PLCL2: variants seen among roughly 807,000 people sequenced by gnomAD.
PLCL2 encodes the protein phospholipase C like 2.
PLCL2 carries 4 observed loss-of-function variants against 79.6 expected under a neutral mutation model. The ratio of observed to expected loss-of-function variants is 0.05; its 90% CI spans 0.02 to 0.11. The LOEUF is 0.11. PLCL2 is among the 10% of genes least tolerant of loss of function. PLCL2 has a pLI of 1.00. For missense variants in PLCL2, 895 were observed against 1,291.0 expected (o/e 0.69, Z 4.70); for synonymous variants, 484 against 457.7 (o/e 1.06, Z -0.73).
chr3:16,899,754 G>A (rs969154332), intron 1 of PLCL2, among the ~76,000 whole-genome samples: 2 of 151,902 alleles, frequency 1.3e-5, no homozygotes, highest in African/African-American at 4.8e-5. Context: ...CTATTTTGCT[G>A]TTGATTTGAT....
intron 1 of PLCL2, among the ~76,000 whole-genome samples, chr3:16,919,304 A>G (rs560165721): frequency 6.6e-6 from 1 of 152,248 alleles, no homozygotes; most frequent in East Asian, 1.9e-4. Context: ...TTTCGCCTAC[A>G]TTTTCAAATT....
chr3:17,033,660 C>A (rs529380186), intron 3 of PLCL2, among the ~76,000 whole-genome samples: 65 of 152,304 alleles, frequency 4.3e-4, no homozygotes, highest in African/African-American at 1.5e-3. Context: ...GAGCTACACC[C>A]TCTACATCTT....
chr3:16,941,656 C>G (rs2063547923), intron 1 of PLCL2, among the ~76,000 whole-genome samples: 1 of 152,206 alleles, frequency 6.6e-6, no homozygotes, highest in Non-Finnish European at 1.5e-5. Flanking sequence ...TGATTCTTCT[C>G]AGCACAAACT....
chr3:17,065,094 T>G (rs2064995534), intron 4 of PLCL2, among the ~76,000 whole-genome samples: 1 of 152,228 alleles, frequency 6.6e-6, no homozygotes, highest in Non-Finnish European at 1.5e-5. Flanking sequence ...GTCACCTTTT[T>G]GCCTGTTTTT....
chr3:17,031,163 T>A (rs2064576990), intron 3 of PLCL2, among the ~76,000 whole-genome samples: 1 of 152,162 alleles, frequency 6.6e-6, no homozygotes, highest in Non-Finnish European at 1.5e-5. Context: ...CAGAGCAGGT[T>A]TTGAACCATT....
chr3:17,045,469 G>A (rs1329078618), intron 4 of PLCL2, among the ~76,000 whole-genome samples: 1 of 152,084 alleles, frequency 6.6e-6, no homozygotes, highest in African/African-American at 2.4e-5. Context: ...AAGCGTGGCA[G>A]GAGAGGAATG....
intron 1 of PLCL2, among the ~76,000 whole-genome samples, chr3:17,005,342 C>G (rs567282184): frequency 3.9e-4 from 59 of 150,498 alleles, no homozygotes; most frequent in African/African-American, 1.4e-3. Flanking sequence ...TGTTGCCAGC[C>G]GATGAAATGA....
intron 1 of PLCL2, among the ~76,000 whole-genome samples, chr3:16,927,352 CA>C (rs11420130): frequency 5.3e-4 from 79 of 149,278 alleles, no homozygotes; most frequent in Middle Eastern, 3.5e-3. Flanking sequence ...TAATAAAATA[CA>C]AAAAAAAATG....
chr3:16,911,955 A>G (rs1040072930), intron 1 of PLCL2, among the ~76,000 whole-genome samples: 2 of 152,202 alleles, frequency 1.3e-5, no homozygotes, highest in Non-Finnish European at 2.9e-5. Context: ...CCTTCAGGCT[A>G]TATGTATAAG....
rs554528670 is a variant in PLCL2, at chr3:17,001,789, T to C, written c.328-7885T>C. ...TATATTTTGTAGTCAGGTAGTATGATGATGCCTCCAGCTTTGTTCTTTTTA... is the reference window on the plus strand; with the variant it reads ...TATATTTTGTAGTCAGGTAGTATGACGATGCCTCCAGCTTTGTTCTTTTTA... On this transcript the variant is annotated intron_variant, in intron 1 of 5. Coordinates refer to ENST00000615277, the MANE Select transcript of PLCL2 (RefSeq NM_001144382.2). Among the ~76,000 whole-genome samples, 13 of 152,282 alleles carry C rather than the reference T, an allele frequency of 8.5e-5. No homozygotes were observed. The South Asian group carries it at 2.7e-3, about 32-fold the overall frequency.
intron 1 of PLCL2, among the ~76,000 whole-genome samples, chr3:16,989,369 A>G (rs969694132): frequency 1.3e-5 from 2 of 152,138 alleles, no homozygotes; most frequent in African/African-American, 4.8e-5. Context: ...GCACTGTCAG[A>G]TACACTAGCT....
intron 3 of PLCL2, among the ~76,000 whole-genome samples, chr3:17,022,840 T>C (rs976146782): frequency 2.0e-5 from 3 of 152,198 alleles, no homozygotes; most frequent in African/African-American, 7.2e-5. Context: ...TTCTTACCTC[T>C]CTTATGAGGG....
chr3:16,951,563 C>A (rs2063652371), intron 1 of PLCL2, among the ~76,000 whole-genome samples: 2 of 151,662 alleles, frequency 1.3e-5, no homozygotes, highest in Admixed American at 6.6e-5. Context: ...TGTTTATTTT[C>A]TTTCTCTTGT....
chr3:17,058,267 A>T (rs908728925), intron 4 of PLCL2, among the ~76,000 whole-genome samples: 3 of 152,200 alleles, frequency 2.0e-5, no homozygotes, highest in Admixed American at 1.3e-4. Context: ...AAAAACAGGA[A>T]CAGCAAATGA....
intron 3 of PLCL2, among the ~76,000 whole-genome samples, chr3:17,018,341 G>C (rs2064408751): frequency 6.6e-6 from 1 of 152,060 alleles, no homozygotes; most frequent in African/African-American, 2.4e-5. Flanking sequence ...GGCTGGAAGG[G>C]GGCCTCATGC....
intron 1 of PLCL2, among the ~76,000 whole-genome samples, chr3:16,960,052 C>T (rs960321658): frequency 2.0e-5 from 3 of 152,120 alleles, no homozygotes; most frequent in African/African-American, 7.2e-5. Flanking sequence ...TTGCAGTGAG[C>T]CGAGATTGCG....
At chr3:16,980,209 G>A (rs1458935224) in intron 1 of PLCL2, among the ~76,000 whole-genome samples, 1 of 136,194 alleles carries the variant, frequency 7.3e-6, no homozygotes, top group Non-Finnish European at 1.6e-5. Context: ...TCACTTCCCA[G>A]TAGGGGTGGC....
rs1240292211 is a variant in PLCL2, at chr3:17,090,210, A to G, written c.*298A>G. On this transcript the variant is annotated 3_prime_UTR_variant, in exon 6 of 6. Transcript: ENST00000615277. The stretch of plus-strand genomic sequence containing the variant: ...TTATTCACTCTAGCTCCACTGAGAA[A>G]CATTTTCCTAAGTGAAAACAATTTC... 3 of 1,048,756 alleles carry G rather than the reference A, an allele frequency of 2.9e-6. No individual in the cohort carries two copies. The highest frequency in any genetic ancestry group is 1.7e-5 in the African/African-American group (1 of 59,970). The allele number at this position is 1,048,756 out of a possible 1,614,324, so 65.0% of individuals were successfully genotyped here.
At chr3:17,017,202 A>G (rs1434389973) in intron 3 of PLCL2, among the ~76,000 whole-genome samples, 1 of 152,144 alleles carries the variant, frequency 6.6e-6, no homozygotes, top group East Asian at 1.9e-4. Context: ...GTCTAACTGT[A>G]TCATTATGTT....
Sources: allele counts gnomAD v4.1 joint callset (sites outside exome capture counted in the v4.1 genomes callset), GRCh38; gene constraint gnomAD v4.1.1; transcripts MANE v1.5; gene names NCBI Gene and HGNC (gene_info 2026-07-23, HGNC 2026-07-21).